Variants in AP1G1 observed in about 807,000 individuals in gnomAD.
AP1G1 encodes the protein AP-1 complex subunit gamma-1.
A neutral mutation model predicts 108.3 loss-of-function variants in AP1G1; 7 were observed. The observed-to-expected ratio is 0.06, with a 90% confidence interval of 0.04 to 0.12. The LOEUF (loss-of-function observed/expected upper bound fraction) is 0.12. Ranked by LOEUF, AP1G1 falls within the 10% of genes least tolerant of loss-of-function variation. The probability of loss-of-function intolerance (pLI) is 1.00; values close to 1 mark genes in which losing one functional copy is unlikely to be tolerated. For missense variants in AP1G1, 756 were observed against 1,010.7 expected, an observed-to-expected ratio of 0.75 and a Z score of 3.42; for synonymous variants, 379 against 353.5, an observed-to-expected ratio of 1.07 and a Z score of -0.81.
chr16:71,754,340 AAAAG>A (rs139492288), intron 12 of AP1G1, among the ~76,000 whole-genome samples: 34,584 of 151,158 alleles, frequency 0.23, 4,555 homozygotes, highest in Non-Finnish European at 0.3. Flanking sequence ...AAAAGAAAGA[AAAAG>A]AAAGAAAGAA....
intron 1 of AP1G1, among the ~76,000 whole-genome samples, chr16:71,799,506 A>G (rs2032707126): frequency 6.6e-6 from 1 of 152,164 alleles, no homozygotes; most frequent in South Asian, 2.1e-4. Context: ...AGTGGCTCAC[A>G]CCTGTAATCT....
At chr16:71,735,720 G>A (rs539762907) in intron 21 of AP1G1, among the ~76,000 whole-genome samples, 1 of 151,948 alleles carries the variant, frequency 6.6e-6, no homozygotes, top group African/African-American at 2.4e-5. Flanking sequence ...CGTAGCTATT[G>A]TATGAACTAG....
intron 9 of AP1G1, among the ~76,000 whole-genome samples, chr16:71,764,139 A>G (rs1384513051): frequency 1.3e-5 from 2 of 152,210 alleles, no homozygotes; most frequent in African/African-American, 4.8e-5. Flanking sequence ...ATATTGCTAC[A>G]CCTGAGATCT....
chr16:71,765,467 TA>T (rs2031275735), intron 7 of AP1G1, 21 bp downstream of exon 7: 2 of 1,539,090 alleles, frequency 1.3e-6, no homozygotes, highest in African/African-American at 2.7e-5. Context: ...AACATTTATT[TA>T]AAACGTTCTT....
rs141172634 is a variant in AP1G1, at chr16:71,805,312, G to T, written c.-4+3451C>A. 6.0e-3 allele frequency among the ~76,000 whole-genome samples: 913 copies of T among 152,174 alleles called. 12 individuals are homozygous for T. Among genetic ancestry groups the T allele is most frequent in the African/African-American group, 0.019 (805 of 41,522 alleles). On this transcript the variant is annotated intron_variant, in intron 1 of 22. Coordinates refer to ENST00000299980, the MANE Select transcript of AP1G1 (RefSeq NM_001128.6). Reference sequence around the variant, plus strand: ...AAAATACAAAAATTAGCTGGGCATGGTGGCGCACGCTTGTAATCCCAGCTA... The same window carrying T: ...AAAATACAAAAATTAGCTGGGCATGTTGGCGCACGCTTGTAATCCCAGCTA...
rs529981932 is a variant in AP1G1 at position 71,797,673 on chromosome 16, C to T, written c.-3-8191G>A. Among the ~76,000 whole-genome samples, 10 of 152,208 alleles carry T rather than the reference C, an allele frequency of 6.6e-5. No individual in the cohort carries two copies. The South Asian group carries it at 2.1e-3, about 32-fold the overall frequency. Reference sequence around the variant, plus strand: ...AATTAGCCGGGCGCAGTGGTGCACGCCTGTGACCCCAGCTACTCAGGAGGC... The same window carrying T: ...AATTAGCCGGGCGCAGTGGTGCACGTCTGTGACCCCAGCTACTCAGGAGGC... On this transcript the variant is annotated intron_variant, in intron 1 of 22. Transcript: ENST00000299980.
At chr16:71,780,390 G>A (rs1017590889) in intron 2 of AP1G1, among the ~76,000 whole-genome samples, 5 of 151,630 alleles carry the variant, frequency 3.3e-5, no homozygotes, top group African/African-American at 7.3e-5. Flanking sequence ...TACTCAGGAG[G>A]CTCAGGCACC....
chr16:71,734,623 G>A lies in AP1G1; in HGVS notation c.2353C>T (p.Leu785=). Residue 785 remains leucine (L), a synonymous_variant, in exon 22 of 23, where the codon CTG becomes TTG. Transcript: ENST00000299980. Reference sequence around the variant, plus strand: ...GTGCTACTCACCTTCTGAGGGTTCAGAACTTTAATGACTTGTGTGATGGTC... The same window carrying A: ...GTGCTACTCACCTTCTGAGGGTTCAAAACTTTAATGACTTGTGTGATGGTC... The part of the protein sequence containing the change: ...TGTITQVIKV[L]NPQKQQLRMR... 2 of 1,612,914 alleles carry A rather than the reference G, an allele frequency of 1.2e-6. No individual in the cohort carries two copies. The highest frequency in any genetic ancestry group is 1.7e-6 in the Non-Finnish European group (2 of 1,178,888).
At chr16:71,758,330 A>G in intron 11 of AP1G1, 1 of 466,278 alleles carries the variant, frequency 2.1e-6, no homozygotes, top group South Asian at 1.5e-5. Flanking sequence ...GCTGCCTAAC[A>G]GTCATTTCAG....
intron 16 of AP1G1, among the ~76,000 whole-genome samples, chr16:71,747,869 G>A (rs139810051): frequency 6.6e-6 from 1 of 152,204 alleles, no homozygotes; most frequent in Non-Finnish European, 1.5e-5. Flanking sequence ...TATAGTCCCA[G>A]CTCCTCTGGA....
chr16:71,739,444 C>G (rs2045590168), intron 19 of AP1G1, 103 bp from the exon 20 acceptor site: 3 of 896,496 alleles, frequency 3.3e-6, no homozygotes, highest in Non-Finnish European at 4.9e-6. Flanking sequence ...AGGAAAGATT[C>G]CTTAAACAAG....
chr16:71,740,954 G>A (rs747231534), intron 19 of AP1G1, among the ~76,000 whole-genome samples: 80 of 152,170 alleles, frequency 5.3e-4, no homozygotes, highest in Non-Finnish European at 1.0e-4. Flanking sequence ...CGCACCCTGT[G>A]AGGGGTGGTA....
chr16:71,763,119 G>C (rs1020879244), intron 9 of AP1G1, among the ~76,000 whole-genome samples: 1 of 152,182 alleles, frequency 6.6e-6, no homozygotes, highest in Admixed American at 6.5e-5. Flanking sequence ...CACATTACTC[G>C]GGAGGCTGAG....
At chr16:71,787,154 A>C (rs1336652527) in intron 2 of AP1G1, among the ~76,000 whole-genome samples, 3 of 151,954 alleles carry the variant, frequency 2.0e-5, no homozygotes, top group Non-Finnish European at 4.4e-5. Flanking sequence ...TTCCGTCTCT[A>C]CTAAAAATAC....
At chr16:71,807,919 G>C in intron 1 of AP1G1, 1 of 1,279,054 alleles carries the variant, frequency 7.8e-7, no homozygotes, top group Middle Eastern at 2.2e-4. Flanking sequence ...TTCAGCACAG[G>C]GAGGGAATCC....
chr16:71,744,168 C>A (rs565278655), intron 19 of AP1G1, among the ~76,000 whole-genome samples: 1 of 151,998 alleles, frequency 6.6e-6, no homozygotes, highest in Admixed American at 6.6e-5. Context: ...CGCTTGAACC[C>A]GGGAGGCGGA....
intron 13 of AP1G1, among the ~76,000 whole-genome samples, chr16:71,753,048 T>C (rs1256611126): frequency 2.0e-5 from 3 of 152,180 alleles, no homozygotes; most frequent in Non-Finnish European, 4.4e-5. Flanking sequence ...ACTGTTCCCC[T>C]TTTTGTTATT....
At chr16:71,785,402 C>T (rs771496550) in intron 2 of AP1G1, among the ~76,000 whole-genome samples, 21 of 151,040 alleles carry the variant, frequency 1.4e-4, no homozygotes, top group Non-Finnish European at 2.7e-4. Context: ...ATGGTGAAAC[C>T]CTGTCTCTAC....
In AP1G1 at chr16:71,736,752, A is replaced by AT. The variant is rs10590605; in HGVS notation, c.2269-2046dup. Among the ~76,000 whole-genome samples the AT allele has an allele frequency of 8.7e-3, 1,072 of 123,882 alleles. 10 individuals are homozygous for AT. The highest frequency in any genetic ancestry group is 0.029 in the African/African-American group (940 of 32,346). The allele number at this position is 123,882 out of a possible 152,430, so 81.3% of individuals were successfully genotyped here. On this transcript the variant is annotated intron_variant, in intron 21 of 22. Transcript: ENST00000299980. ...AGGCGCCCGCCACCACGCCCGGCTA[A>AT]TTTTTTTTTTTTTTTTTTTTTTAGT... is the stretch of plus-strand genomic sequence containing the variant.
Sources: gnomAD v4.1 joint callset for allele counts (sites outside exome capture counted in the v4.1 genomes callset) on GRCh38, gnomAD v4.1.1 for gene constraint, MANE v1.5 for transcripts, NCBI Gene and HGNC (gene_info 2026-07-23, HGNC 2026-07-21) for gene names.